Variants in HGF observed in about 807,000 individuals in gnomAD.
HGF encodes the protein fibroblast-derived tumor cytotoxic factor.
Under a neutral mutation model 111.6 loss-of-function variants are expected in HGF, and 39 were observed. The observed-to-expected ratio is 0.35, with a 90% CI of 0.27 to 0.46. HGF has a LOEUF of 0.46. Among genes scored for constraint, HGF ranks in the 20% least tolerant of loss-of-function variants. The pLI, the probability that HGF is intolerant of heterozygous loss-of-function variation, is 1.00. For synonymous variants in HGF, 285 were observed against 294.8 expected (o/e 0.97, Z 0.34); for missense variants, 735 against 910.5 (o/e 0.81, Z 2.48).
intron 8 of HGF, among the ~76,000 whole-genome samples, chr7:81,728,703 G>GCA (rs772489045): frequency 4.6e-5 from 7 of 152,026 alleles, no homozygotes; most frequent in East Asian, 1.9e-4. Flanking sequence ...GCTTGTGCAT[G>GCA]CACACACACA....
At chr7:81,757,651 A>T (rs1788846046) in intron 3 of HGF, among the ~76,000 whole-genome samples, 1 of 152,174 alleles carries the variant, frequency 6.6e-6, no homozygotes, top group African/African-American at 2.4e-5. Flanking sequence ...AAATTAAATG[A>T]TTTTTAAAAC....
chr7:81,722,495 G>A (rs938639365), intron 9 of HGF, among the ~76,000 whole-genome samples: 5 of 151,650 alleles, frequency 3.3e-5, no homozygotes, highest in African/African-American at 9.7e-5. Flanking sequence ...CAAAAGAAAT[G>A]TAGTCAGAAA....
chr7:81,760,683 G>GTC (rs1278642533), intron 2 of HGF, among the ~76,000 whole-genome samples: 1 of 2,330 alleles, frequency 4.3e-4, no homozygotes, highest in African/African-American at 6.7e-4. Context: ...GTGCGTGCGT[G>GTC]TGTGTGTGTG....
At chr7:81,745,379 AT>A (rs1341905666) in intron 5 of HGF, among the ~76,000 whole-genome samples, 1 of 152,130 alleles carries the variant, frequency 6.6e-6, no homozygotes, top group African/African-American at 2.4e-5. Context: ...CTGTCTATCT[AT>A]TTTTTCAATA....
chr7:81,705,454 T>C lies in HGF; in HGVS notation c.1946A>G (p.Lys649Arg). ...NEKCSQHHRG[K>R]VTLNESEICA... is the part of the protein sequence containing the mutation. Reference sequence around the variant, plus strand: ...TATTTCAGACTCATTCAGAGTCACCTTCCCTCGATGATGCTGGCTGCATTT... The same window carrying C: ...TATTTCAGACTCATTCAGAGTCACCCTCCCTCGATGATGCTGGCTGCATTT... Residue 649 changes from lysine (K) to arginine (R), a missense_variant, in exon 17 of 18, where the codon AAG becomes AGG. Physicochemically the swap from Lys to Arg is conservative, Grantham distance 26. Transcript: ENST00000222390. The C allele has an allele frequency of 6.2e-7, 1 of 1,612,848 alleles. No homozygotes were observed. Among genetic ancestry groups the C allele is most frequent in the Non-Finnish European group, 8.5e-7 (1 of 1,179,114 alleles).
intron 9 of HGF, among the ~76,000 whole-genome samples, chr7:81,721,583 T>G (rs1789865667): frequency 6.6e-6 from 1 of 152,236 alleles, no homozygotes; most frequent in Admixed American, 6.5e-5. Context: ...GACATTGACA[T>G]TCTGAGTCAC....
chr7:81,736,451 G>A (rs1462261258), intron 7 of HGF, among the ~76,000 whole-genome samples: 2 of 151,966 alleles, frequency 1.3e-5, no homozygotes, highest in Non-Finnish European at 2.9e-5. Flanking sequence ...TAGTGATGCT[G>A]GCATATTGTT....
rs2074725 is a variant in HGF, at chr7:81,709,988, A to C, written c.1541+159T>G. Among the ~76,000 whole-genome samples the C allele has an allele frequency of 0.75, 113,594 of 152,014 alleles. 43,207 individuals carry two copies. Among genetic ancestry groups the C allele is most frequent in the Middle Eastern group, 0.88 (259 of 294 alleles). On this transcript the variant is annotated intron_variant, in intron 13 of 17. Coordinates refer to ENST00000222390, the MANE Select transcript of HGF (RefSeq NM_000601.6). ...GCACAAATTATAGTCCAGAGCTTAC[A>C]GTCTGGCAAGCAGATGTGATCAGCT...
intron 17 of HGF, among the ~76,000 whole-genome samples, chr7:81,703,400 A>T (rs1789339147): frequency 6.6e-6 from 1 of 150,978 alleles, no homozygotes; most frequent in South Asian, 2.1e-4. Context: ...AGTTATAGTT[A>T]TATTTTATAC....
intron 1 of HGF, among the ~76,000 whole-genome samples, chr7:81,767,979 G>A (rs1431133516): frequency 6.6e-6 from 1 of 152,050 alleles, no homozygotes; most frequent in Non-Finnish European, 1.5e-5. Context: ...CTCCTTTGAT[G>A]ACAATTTTAG....
At chr7:81,707,103 A>T (rs1789448266) in intron 14 of HGF, among the ~76,000 whole-genome samples, 187 bp downstream of exon 14, 1 of 152,116 alleles carries the variant, frequency 6.6e-6, no homozygotes, top group Non-Finnish European at 1.5e-5. Context: ...GGTGAACTGA[A>T]GTAGTGTCTT....
chr7:81,699,613 A>T lies in HGF; in HGVS notation c.*2968T>A, dbSNP rs1789232094. On this transcript the variant is annotated 3_prime_UTR_variant, in exon 18 of 18. Coordinates refer to ENST00000222390, the MANE Select transcript of HGF (RefSeq NM_000601.6). ...ATATTGCAAAACCAGTATTTCTTTT[A>T]AAAAAGTTTAAAAACAACAATGAAA... The T allele has an allele frequency of 6.6e-6, 1 of 151,628 alleles. No homozygotes were observed. The highest frequency in any genetic ancestry group is 1.9e-4 in the East Asian group (1 of 5,176). 9.4% of individuals were successfully genotyped at this position (151,628 alleles called of 1,614,324 possible). A position where few individuals can be genotyped will look rare whatever the true frequency, so the allele number is the denominator to read the frequency against.
chr7:81,767,832 G>T (rs1358821197), intron 1 of HGF, among the ~76,000 whole-genome samples: 1 of 151,858 alleles, frequency 6.6e-6, no homozygotes, highest in African/African-American at 2.4e-5. Context: ...AACAACAAAA[G>T]AAACCTCTAA....
chr7:81,733,272 T>A (rs1787723746), intron 7 of HGF, among the ~76,000 whole-genome samples: 1 of 151,844 alleles, frequency 6.6e-6, no homozygotes, highest in Admixed American at 6.6e-5. Flanking sequence ...ATTTTTTAAA[T>A]TATAGAATAC....
At chr7:81,768,403 G>A (rs1280953602) in intron 1 of HGF, among the ~76,000 whole-genome samples, 2 of 151,956 alleles carry the variant, frequency 1.3e-5, no homozygotes, top group Non-Finnish European at 2.9e-5. Flanking sequence ...TTCTTGAGAT[G>A]GAGTCTTGCT....
At chr7:81,753,813 G>T (rs189681425) in intron 4 of HGF, among the ~76,000 whole-genome samples, 62 of 152,036 alleles carry the variant, frequency 4.1e-4, no homozygotes, top group African/African-American at 1.4e-3. Flanking sequence ...AAATAAGACA[G>T]GTTGTCAGAC....
chr7:81,719,303 A>T (rs1445473350), intron 10 of HGF, among the ~76,000 whole-genome samples: 1 of 152,178 alleles, frequency 6.6e-6, no homozygotes, highest in African/African-American at 2.4e-5. Context: ...CCCATAGCAT[A>T]AAATATGCTA....
chr7:81,706,954 A>G lies in HGF; in HGVS notation c.1616+336T>C, dbSNP rs189538035. On this transcript the variant is annotated intron_variant, in intron 14 of 17. Transcript: ENST00000222390. ...GGAGAAAGAAGTAGTGAGGACTGAAAAAAGCCTATTGACAATTTAGAAAAA... is the reference window on the plus strand; with the variant it reads ...GGAGAAAGAAGTAGTGAGGACTGAAGAAAGCCTATTGACAATTTAGAAAAA... Among the ~76,000 whole-genome samples the G allele has an allele frequency of 7.5e-3, 1,142 of 151,478 alleles. 8 individuals carry two copies. The highest frequency in any genetic ancestry group is 0.02 in the Middle Eastern group (6 of 294).
chr7:81,769,902 T>C lies in HGF; in HGVS notation c.70A>G (p.Ile24Val). 2 of 1,567,724 alleles carry C rather than the reference T, an allele frequency of 1.3e-6. No individual in the cohort carries two copies. The highest frequency in any genetic ancestry group is 2.4e-5 in the South Asian group (2 of 85,024). The change falls in exon 1 of 18, where the codon ATC (isoleucine) becomes GTC (valine). Residue 24 changes from isoleucine to valine, a missense_variant. Ile to Val is a conservative substitution (Grantham distance 29). This residue lies in a region of HGF where 553 missense variants were observed against 685.6 expected (regional missense o/e 0.81). Coordinates refer to ENST00000222390, the MANE Select transcript of HGF (RefSeq NM_000601.6). ...AACTAACCTGCATAGGGGATGGCGA[T>C]GGGGAGCAGGAGGAGATGCAGGAGG... is the stretch of plus-strand genomic sequence containing the variant. ...HVLLHLLLLPIAIPYAEGQRK... is the reference protein window; with the variant it reads ...HVLLHLLLLPVAIPYAEGQRK...
Sources: allele counts gnomAD v4.1 joint callset (sites outside exome capture counted in the v4.1 genomes callset), GRCh38; gene constraint gnomAD v4.1.1; regional missense constraint gnomAD v4.1.1; transcripts MANE v1.5; gene names NCBI Gene and HGNC (gene_info 2026-07-23, HGNC 2026-07-21).